KCNQ5: variants seen among roughly 807,000 people sequenced by gnomAD.
The protein encoded by KCNQ5 is potassium voltage-gated channel subfamily KQT member 5.
A neutral mutation model predicts 98.2 loss-of-function variants in KCNQ5; 30 were observed. The observed-to-expected ratio is 0.31, with a 90% confidence interval of 0.23 to 0.41. The LOEUF is 0.41. Ranked by LOEUF, KCNQ5 falls within the 10% of genes least tolerant of loss-of-function variation. KCNQ5 has a pLI of 1.00. For missense variants in KCNQ5, 835 were observed against 1,182.5 expected (o/e 0.71, Z 4.31); for synonymous variants, 458 against 449.4 (o/e 1.02, Z -0.24).
At chr6:72,650,535 C>T (rs774161865) in intron 1 of KCNQ5, among the ~76,000 whole-genome samples, 1 of 152,066 alleles carries the variant, frequency 6.6e-6, no homozygotes, top group African/African-American at 2.4e-5. Context: ...TTTCCTCTGC[C>T]AGGAGAGTAA....
At chr6:73,048,308 G>T (rs1229813037) in intron 3 of KCNQ5, among the ~76,000 whole-genome samples, 2 of 152,154 alleles carry the variant, frequency 1.3e-5, no homozygotes, top group African/African-American at 4.8e-5. Flanking sequence ...TCCAGGCCAG[G>T]GAATAGTAAT....
At chr6:73,005,013 T>C (rs1444113000) in intron 2 of KCNQ5, among the ~76,000 whole-genome samples, 1 of 152,226 alleles carries the variant, frequency 6.6e-6, no homozygotes, top group Non-Finnish European at 1.5e-5. Flanking sequence ...TTTCCTACCT[T>C]TGCTTTCAGA....
intron 1 of KCNQ5, chr6:72,987,636 C>A: frequency 3.3e-6 from 2 of 608,088 alleles, no homozygotes; most frequent in Non-Finnish European, 6.0e-6. Context: ...AGGACTGTGA[C>A]CGGGCCATGA....
chr6:73,133,789 T>C (rs1374259432), intron 10 of KCNQ5, 148 bp downstream of exon 10: 6 of 818,404 alleles, frequency 7.3e-6, no homozygotes, highest in Non-Finnish European at 1.2e-5. Flanking sequence ...TGGAAGTTTA[T>C]TCATTGCCTT....
chr6:72,658,441 C>T lies in KCNQ5; in HGVS notation c.398+35854C>T, dbSNP rs1194967887. ...GATTACAGGCGCCCACCACCATGCC[C>T]AGCTAATTTTTATATTTTTTGTAGA... is the stretch of plus-strand genomic sequence containing the variant. On this transcript the variant is annotated intron_variant, in intron 1 of 13. Transcript: ENST00000370398. Among the ~76,000 whole-genome samples, 6 of 149,836 alleles carry T rather than the reference C, an allele frequency of 4.0e-5. No individual in the cohort carries two copies. In the East Asian group the frequency reaches 9.8e-4, roughly 24 times the overall value.
At chr6:72,929,316 A>G (rs1173806172) in intron 1 of KCNQ5, among the ~76,000 whole-genome samples, 1 of 152,142 alleles carries the variant, frequency 6.6e-6, no homozygotes, top group East Asian at 1.9e-4. Context: ...GAAAAAAATT[A>G]AAGTTCGGTG....
At chr6:72,951,521 T>C (rs985575240) in intron 1 of KCNQ5, among the ~76,000 whole-genome samples, 1 of 88,298 alleles carries the variant, frequency 1.1e-5, no homozygotes, top group Admixed American at 1.1e-4. Flanking sequence ...TGACCTCAGG[T>C]GATCCACCCC....
chr6:72,742,622 A>G (rs1025919280), intron 1 of KCNQ5, among the ~76,000 whole-genome samples: 1 of 152,118 alleles, frequency 6.6e-6, no homozygotes, highest in Admixed American at 6.5e-5. Context: ...ATCTATTAAT[A>G]CTCTTTATAT....
At chr6:72,906,400 T>G (rs1363682293) in intron 1 of KCNQ5, among the ~76,000 whole-genome samples, 1 of 152,200 alleles carries the variant, frequency 6.6e-6, no homozygotes, top group Non-Finnish European at 1.5e-5. Flanking sequence ...CACCCTCCCC[T>G]GAGTTCTGAT....
Position 72,634,471 on chromosome 6 carries a change from T to G in KCNQ5, c.398+11884T>G, listed in dbSNP as rs573571553. Among the ~76,000 whole-genome samples the G allele has an allele frequency of 4.0e-4, 61 of 152,326 alleles. 1 individual carries two copies. The South Asian group carries it at 0.011, about 27-fold the overall frequency. On this transcript the variant is annotated intron_variant, in intron 1 of 13. Transcript: ENST00000370398. ...TATCTAATTCTTTGCAAATAGTTTG[T>G]GTATGTAAAGAAACCAAAGTACCCT...
At chr6:72,749,937 TC>T (rs1771594731) in intron 1 of KCNQ5, among the ~76,000 whole-genome samples, 2 of 152,174 alleles carry the variant, frequency 1.3e-5, no homozygotes, top group South Asian at 4.1e-4. Context: ...GACAACAATG[TC>T]AAAAAGAAAA....
Position 72,622,349 on chromosome 6 carries a change from A to C in KCNQ5, c.160A>C (p.Arg54=). 7.0e-7 allele frequency: 1 copy of C among 1,432,392 alleles called. No homozygotes were observed. The highest frequency in any genetic ancestry group is 9.1e-7 in the Non-Finnish European group (1 of 1,096,364). 88.7% of individuals were successfully genotyped at this position (1,432,392 alleles called of 1,614,324 possible). A position where few individuals can be genotyped will look rare whatever the true frequency, so the allele number is the denominator to read the frequency against. ...GRVLLNSAAA[R]GDGLLLLGTR... is the part of the protein sequence containing the mutation. Reference sequence around the variant, plus strand: ...GGTGCTGCTGAACTCGGCAGCCGCCAGGGGCGACGGCCTGCTACTGCTGGG... The same window carrying C: ...GGTGCTGCTGAACTCGGCAGCCGCCCGGGGCGACGGCCTGCTACTGCTGGG... Residue 54 remains arginine, a synonymous_variant, in exon 1 of 14, where the codon AGG becomes CGG. Transcript: ENST00000370398. This position sits in a 1 kb window ranked among gnomAD's most constrained non-coding sequence, Gnocchi z 6.0.
intron 1 of KCNQ5, among the ~76,000 whole-genome samples, chr6:72,756,908 T>A (rs1772001050): frequency 6.6e-6 from 1 of 152,170 alleles, no homozygotes; most frequent in Non-Finnish European, 1.5e-5. Context: ...CCTTTGAATC[T>A]GTACTACATA....
intron 5 of KCNQ5, among the ~76,000 whole-genome samples, chr6:73,090,254 ATTGT>A (rs1331184961): frequency 4.6e-5 from 7 of 151,122 alleles, no homozygotes; most frequent in Non-Finnish European, 1.5e-5. Context: ...TTTTGATGGG[ATTGT>A]TTGTTTTTTT....
At chr6:72,764,344 A>G (rs1413603017) in intron 1 of KCNQ5, among the ~76,000 whole-genome samples, 1 of 152,044 alleles carries the variant, frequency 6.6e-6, no homozygotes, top group African/African-American at 2.4e-5. Context: ...AAAAGAATAT[A>G]AACTATTTGG....
intron 1 of KCNQ5, among the ~76,000 whole-genome samples, chr6:72,874,744 G>A (rs988134203): frequency 1.3e-5 from 2 of 152,050 alleles, no homozygotes; most frequent in African/African-American, 4.8e-5. Flanking sequence ...CTACTTGAAG[G>A]GCAGAACAAG....
At chr6:72,696,869 T>C (rs1015240470) in intron 1 of KCNQ5, among the ~76,000 whole-genome samples, 6 of 152,184 alleles carry the variant, frequency 3.9e-5, no homozygotes, top group Non-Finnish European at 5.9e-5. Flanking sequence ...ATAGTGATAG[T>C]AGTAATTTTA....
At chr6:72,794,092 G>A (rs1270014488) in intron 1 of KCNQ5, among the ~76,000 whole-genome samples, 1 of 152,216 alleles carries the variant, frequency 6.6e-6, no homozygotes, top group Non-Finnish European at 1.5e-5. Flanking sequence ...AAAATTCGAA[G>A]AAAATCATAG....
chr6:72,713,911 C>G (rs775938119), intron 1 of KCNQ5, among the ~76,000 whole-genome samples: 2 of 152,180 alleles, frequency 1.3e-5, no homozygotes, highest in African/African-American at 4.8e-5. Flanking sequence ...CTACCTGGAT[C>G]CTGTGTTGTG....
Sources: allele counts gnomAD v4.1 joint callset (sites outside exome capture counted in the v4.1 genomes callset), GRCh38; gene constraint gnomAD v4.1.1; non-coding constraint Gnocchi (gnomAD v3.1); transcripts MANE v1.5; gene names NCBI Gene and HGNC (gene_info 2026-07-23, HGNC 2026-07-21).